Variants in APBB2 observed in about 807,000 individuals in gnomAD.
APBB2 encodes the protein Fe65-like 1.
In APBB2, 38 loss-of-function variants were observed where a neutral mutation model predicts 82.5. That is an observed-to-expected ratio of 0.46 (90% CI 0.36 to 0.60). APBB2 has a LOEUF of 0.60. APBB2 is among the 20% of genes least tolerant of loss of function. APBB2 has a pLI of 0.00. For missense variants in APBB2, 772 were observed against 972.3 expected, an observed-to-expected ratio of 0.79 and a Z score of 2.74; for synonymous variants, 341 against 368.2, an observed-to-expected ratio of 0.93 and a Z score of 0.85.
chr4:41,109,493 T>TG (rs1298007441), intron 2 of APBB2, among the ~76,000 whole-genome samples: 1 of 151,714 alleles, frequency 6.6e-6, no homozygotes, highest in Non-Finnish European at 1.5e-5. Context: ...GTTTTTGAGA[T>TG]GGAGTCTCGC....
At chr4:41,190,041 A>G (rs926159077) in intron 1 of APBB2, among the ~76,000 whole-genome samples, 2 of 152,168 alleles carry the variant, frequency 1.3e-5, no homozygotes, top group African/African-American at 4.8e-5. Context: ...ATCTTCTTTC[A>G]TTAATATTTA....
In APBB2 at chr4:40,816,068, A is replaced by G; in HGVS notation, c.*24T>C. The stretch of plus-strand genomic sequence containing the variant: ...GTAGCTAGTCAATCTTCAGGTAAAT[A>G]GCCGAGTCCTTTTGCATGTGCAGCT... On this transcript the variant is annotated 3_prime_UTR_variant, in exon 18 of 18. Coordinates refer to ENST00000508593, the MANE Select transcript of APBB2 (RefSeq NM_004307.2). 1 of 1,602,982 alleles carries G rather than the reference A, an allele frequency of 6.2e-7. No individual in the cohort carries two copies. Among genetic ancestry groups the G allele is most frequent in the South Asian group, 1.1e-5 (1 of 90,782 alleles).
At chr4:40,853,088 A>T (rs1759997150) in intron 12 of APBB2, among the ~76,000 whole-genome samples, 1 of 152,110 alleles carries the variant, frequency 6.6e-6, no homozygotes, top group African/African-American at 2.4e-5. Flanking sequence ...ATGGTCCTAG[A>T]TCACACCCCT....
rs964178777 is a variant in APBB2 at position 41,159,998 on chromosome 4, A to G, written c.-416-16856T>C. ...AAGAAGAAGAAGAAGAAGAAGAAGAAGAAGAAGAAGAAGAAGAAGAAGAAG... is the reference window on the plus strand; with the variant it reads ...AAGAAGAAGAAGAAGAAGAAGAAGAGGAAGAAGAAGAAGAAGAAGAAGAAG... On this transcript the variant is annotated intron_variant, in intron 1 of 17. Transcript: ENST00000508593. Among the ~76,000 whole-genome samples, 53 of 149,424 alleles carry G rather than the reference A, an allele frequency of 3.5e-4. 3 individuals carry two copies. Among genetic ancestry groups the G allele is most frequent in the South Asian group, 8.6e-4 (4 of 4,676 alleles).
intron 1 of APBB2, among the ~76,000 whole-genome samples, chr4:41,151,457 T>C (rs1342470342): frequency 6.6e-6 from 1 of 152,262 alleles, no homozygotes; most frequent in Admixed American, 6.5e-5. Context: ...ATCTACATGT[T>C]TACCAGTTTA....
chr4:41,135,722 A>C (rs1431031905), intron 2 of APBB2, among the ~76,000 whole-genome samples: 1 of 152,224 alleles, frequency 6.6e-6, no homozygotes, highest in Non-Finnish European at 1.5e-5. Flanking sequence ...AAAAAAGACA[A>C]GAAAAATATC....
intron 2 of APBB2, among the ~76,000 whole-genome samples, chr4:41,104,009 T>C (rs983028150): frequency 2.6e-5 from 4 of 152,202 alleles, no homozygotes; most frequent in Non-Finnish European, 4.4e-5. Flanking sequence ...TAAAATCCAG[T>C]TGAAAGATTT....
chr4:41,211,643 C>G (rs927621531), intron 1 of APBB2, among the ~76,000 whole-genome samples: 1 of 151,884 alleles, frequency 6.6e-6, no homozygotes, highest in African/African-American at 2.4e-5. Flanking sequence ...CCACCACACC[C>G]GGCTAATTTT....
intron 2 of APBB2, among the ~76,000 whole-genome samples, chr4:41,108,178 G>A (rs565391271): frequency 2.0e-5 from 3 of 152,236 alleles, no homozygotes; most frequent in Non-Finnish European, 2.9e-5. Context: ...TGGAGATAAG[G>A]CAGATTGGGC....
intron 4 of APBB2, among the ~76,000 whole-genome samples, chr4:41,059,441 C>T (rs993065697): frequency 6.6e-6 from 1 of 152,272 alleles, no homozygotes; most frequent in Non-Finnish European, 1.5e-5. Flanking sequence ...CCAAGACTGG[C>T]CATAAACAAA....
intron 2 of APBB2, among the ~76,000 whole-genome samples, chr4:41,139,428 A>G (rs1392649690): frequency 2.6e-5 from 4 of 152,196 alleles, no homozygotes; most frequent in Non-Finnish European, 5.9e-5. Flanking sequence ...AACTCAAATG[A>G]GTAAAAAACT....
At chr4:41,152,142 C>A (rs887070768) in intron 1 of APBB2, among the ~76,000 whole-genome samples, 1 of 152,062 alleles carries the variant, frequency 6.6e-6, no homozygotes, top group East Asian at 1.9e-4. Context: ...TTCAACAGTT[C>A]TAATATTTCC....
intron 6 of APBB2, among the ~76,000 whole-genome samples, chr4:40,974,934 C>T (rs548965033): frequency 1.3e-5 from 2 of 152,340 alleles, no homozygotes; most frequent in Non-Finnish European, 2.9e-5. Flanking sequence ...TTACATACCC[C>T]TTTTATCCCA....
chr4:40,957,621 T>C (rs367887868), intron 6 of APBB2, among the ~76,000 whole-genome samples: 45 of 151,890 alleles, frequency 3.0e-4, no homozygotes, highest in African/African-American at 9.9e-4. Context: ...TTCGCTCTTG[T>C]TGCCCCGGCT....
At chr4:40,944,383 A>T (rs1218744979) in intron 7 of APBB2, among the ~76,000 whole-genome samples, 2 of 152,226 alleles carry the variant, frequency 1.3e-5, no homozygotes, top group Admixed American at 1.3e-4. Flanking sequence ...CAGATTTTTT[A>T]AAATAGAAAT....
chr4:40,952,101 A>C (rs760026558), intron 6 of APBB2, among the ~76,000 whole-genome samples: 1 of 149,932 alleles, frequency 6.7e-6, no homozygotes, highest in Admixed American at 6.7e-5. Flanking sequence ...CAGGAGAATC[A>C]CTTGAACCCA....
At chr4:40,856,267 G>C (rs1014624369) in intron 12 of APBB2, among the ~76,000 whole-genome samples, 7 of 152,166 alleles carry the variant, frequency 4.6e-5, no homozygotes, top group African/African-American at 1.7e-4. Flanking sequence ...CATTAATTAG[G>C]AATCCATAGA....
chr4:40,827,623 G>A (rs1042758089), intron 13 of APBB2, among the ~76,000 whole-genome samples: 3 of 152,114 alleles, frequency 2.0e-5, no homozygotes, highest in African/African-American at 7.2e-5. Flanking sequence ...CAGACAACAT[G>A]GGTTCAAACT....
In APBB2 at chr4:40,866,687, G is replaced by C. The variant is rs563537733; in HGVS notation, c.1529+23677C>G. Among the ~76,000 whole-genome samples, 74 of 152,050 alleles carry C rather than the reference G, an allele frequency of 4.9e-4. 1 individual carries two copies. The South Asian group carries it at 0.014, about 29-fold the overall frequency. Reference sequence around the variant, plus strand: ...TTCAACTGGAAGTTCCTAATTTGAAGGGACTTTTATTATTTTATAGTGTCC... The same window carrying C: ...TTCAACTGGAAGTTCCTAATTTGAACGGACTTTTATTATTTTATAGTGTCC... On this transcript the variant is annotated intron_variant, in intron 12 of 17. Coordinates refer to ENST00000508593, the MANE Select transcript of APBB2 (RefSeq NM_004307.2).
Sources: gnomAD v4.1 joint callset for allele counts (sites outside exome capture counted in the v4.1 genomes callset) on GRCh38, gnomAD v4.1.1 for gene constraint, MANE v1.5 for transcripts, NCBI Gene and HGNC (gene_info 2026-07-23, HGNC 2026-07-21) for gene names.